The following ME1 variants were observed in gnomAD, a reference collection of about 807,000 sequenced individuals.
ME1 encodes NADP-dependent malic enzyme.
A neutral mutation model predicts 66.4 loss-of-function variants in ME1; 74 were observed. The ratio of observed to expected loss-of-function variants is 1.11; its 90% CI spans 0.92 to 1.35. ME1 has a LOEUF of 1.35. ME1 is among the 40% of genes most tolerant of loss of function. The pLI is 0.00. For missense variants in ME1, 750 were observed against 694.1 expected (o/e 1.08, Z -0.90); for synonymous variants, 251 against 235.6 (o/e 1.07, Z -0.60).
intron 6 of ME1, among the ~76,000 whole-genome samples, chr6:83,305,957 A>G (rs1767816262): frequency 6.6e-6 from 1 of 152,186 alleles, no homozygotes; most frequent in Admixed American, 6.6e-5. Flanking sequence ...TTCAAAAGGA[A>G]AAGTAAATTG....
chr6:83,271,210 C>G (rs1144192), intron 6 of ME1, among the ~76,000 whole-genome samples: 43,825 of 151,946 alleles, frequency 0.29, 7,241 homozygotes, highest in Middle Eastern at 0.47. Flanking sequence ...TAAGTAGTAA[C>G]TAACTTCACA....
intron 3 of ME1, among the ~76,000 whole-genome samples, chr6:83,370,882 A>C (rs1769182421): frequency 6.6e-6 from 1 of 152,182 alleles, no homozygotes; most frequent in Admixed American, 6.6e-5. Context: ...GAAGTGCACC[A>C]GAATGACTCC....
intron 6 of ME1, among the ~76,000 whole-genome samples, chr6:83,309,732 A>C (rs1767895978): frequency 6.6e-6 from 1 of 152,144 alleles, no homozygotes; most frequent in South Asian, 2.1e-4. Context: ...GTGGAGATTA[A>C]TAGCAAAAAG....
intron 3 of ME1, among the ~76,000 whole-genome samples, chr6:83,374,683 TGAATGGTATTACCTA>T (rs991232386): frequency 2.0e-5 from 3 of 152,230 alleles, no homozygotes; most frequent in African/African-American, 7.2e-5. Flanking sequence ...GCCTATGTCC[TGAATGGTATTACCTA>T]GATTTTCTTC....
chr6:83,398,492 T>C lies in ME1; in HGVS notation c.237A>G (p.Gln79=), dbSNP rs2128550742. The C allele has an allele frequency of 2.6e-6, 4 of 1,567,612 alleles. No individual in the cohort carries two copies. Among genetic ancestry groups the C allele is most frequent in the African/African-American group, 1.4e-5 (1 of 73,202 alleles). ...FDRYLLLMDL[Q]DRNEKLFYRV... ...TATAAAAGAGTTTTTCATTTCTATC[T>C]TGGAGATCCATTAAGAGAAGATACC... is the stretch of plus-strand genomic sequence containing the variant. The change falls in exon 3 of 14, where the codon CAA becomes CAG. Residue 79 remains glutamine, a synonymous_variant. Coordinates refer to ENST00000369705, the MANE Select transcript of ME1 (RefSeq NM_002395.6).
chr6:83,306,566 C>T (rs1229611510), intron 6 of ME1, among the ~76,000 whole-genome samples: 1 of 151,918 alleles, frequency 6.6e-6, no homozygotes, highest in Non-Finnish European at 1.5e-5. Context: ...TAAATGTATC[C>T]ATATAATTAA....
chr6:83,249,595 T>C (rs941403867), intron 7 of ME1, among the ~76,000 whole-genome samples: 18 of 152,216 alleles, frequency 1.2e-4, no homozygotes, highest in Non-Finnish European at 2.4e-4. Flanking sequence ...TTGTCCTCAA[T>C]GTAAACTCCA....
chr6:83,237,871 G>A, intron 8 of ME1, 41 bp from the exon 9 acceptor site: 1 of 1,086,214 alleles, frequency 9.2e-7, no homozygotes, highest in Non-Finnish European at 1.4e-6. Context: ...TGTTCTACAT[G>A]ATATCTTATT....
At chr6:83,365,180 C>T (rs1020874585) in intron 3 of ME1, among the ~76,000 whole-genome samples, 6 of 152,170 alleles carry the variant, frequency 3.9e-5, no homozygotes, top group South Asian at 2.1e-4. Flanking sequence ...GCAACCTCCA[C>T]CTCCCGGGTT....
intron 12 of ME1, among the ~76,000 whole-genome samples, chr6:83,219,376 T>C (rs549404284): frequency 2.0e-4 from 31 of 152,300 alleles, no homozygotes; most frequent in African/African-American, 7.0e-4. Context: ...TGGTGTGAGG[T>C]AGACCTATGT....
At chr6:83,216,442 A>G in intron 13 of ME1, 56 bp downstream of exon 13, 22 of 1,182,640 alleles carry the variant, frequency 1.9e-5, no homozygotes, top group Non-Finnish European at 2.7e-5. Context: ...TTAAAAATGC[A>G]TATTTAGCAA....
intron 2 of ME1, among the ~76,000 whole-genome samples, chr6:83,405,657 T>G (rs1201246476): frequency 6.6e-6 from 1 of 152,064 alleles, no homozygotes; most frequent in African/African-American, 2.4e-5. Flanking sequence ...TAAACAGCTC[T>G]TACTATTTTG....
At chr6:83,232,461 C>T (rs1393062839) in intron 9 of ME1, among the ~76,000 whole-genome samples, 2 of 152,166 alleles carry the variant, frequency 1.3e-5, no homozygotes, top group South Asian at 2.1e-4. Flanking sequence ...TGAACTCCAT[C>T]AGTATTTAAT....
chr6:83,242,361 T>C (rs1790526624), intron 7 of ME1, among the ~76,000 whole-genome samples: 1 of 152,212 alleles, frequency 6.6e-6, no homozygotes, highest in Non-Finnish European at 1.5e-5. Context: ...TGGTTAAAAT[T>C]ACCATATATA....
chr6:83,237,304 A>AAG (rs1413610295), intron 9 of ME1, among the ~76,000 whole-genome samples: 3 of 60,880 alleles, frequency 4.9e-5, no homozygotes, highest in African/African-American at 1.8e-4. Flanking sequence ...AAGAAAGAAA[A>AAG]AGAAAGAAAG....
intron 13 of ME1, among the ~76,000 whole-genome samples, chr6:83,214,606 A>C (rs975611360): frequency 4.6e-5 from 7 of 152,196 alleles, no homozygotes; most frequent in Non-Finnish European, 1.0e-4. Flanking sequence ...TTCTAGACAG[A>C]ATAATAAACT....
intron 6 of ME1, among the ~76,000 whole-genome samples, chr6:83,311,801 A>G (rs1468415435): frequency 6.6e-6 from 1 of 152,122 alleles, no homozygotes; most frequent in Non-Finnish European, 1.5e-5. Context: ...GATGGACACA[A>G]TTATCATAAG....
intron 2 of ME1, among the ~76,000 whole-genome samples, chr6:83,406,770 C>G (rs773103499): frequency 6.6e-6 from 1 of 152,124 alleles, no homozygotes; most frequent in East Asian, 1.9e-4. Context: ...TGGGCCTCCT[C>G]CAAATGGCTG....
intron 6 of ME1, among the ~76,000 whole-genome samples, chr6:83,309,650 G>A (rs1207065983): frequency 1.3e-5 from 2 of 152,020 alleles, no homozygotes; most frequent in East Asian, 3.9e-4. Flanking sequence ...TCAGAGAAGA[G>A]GTACAGGTTA....
Sources: allele counts gnomAD v4.1 joint callset (sites outside exome capture counted in the v4.1 genomes callset), GRCh38; gene constraint gnomAD v4.1.1; transcripts MANE v1.5; gene names NCBI Gene and HGNC (gene_info 2026-07-23, HGNC 2026-07-21).